CSMD1: variants seen among roughly 807,000 people sequenced by gnomAD.
The protein encoded by CSMD1 is CUB and Sushi multiple domains 1.
CSMD1 carries 213 observed loss-of-function variants against 417.5 expected under a neutral mutation model. The ratio of observed to expected loss-of-function variants is 0.51; its 90% confidence interval spans 0.46 to 0.57. The LOEUF (loss-of-function observed/expected upper bound fraction) is 0.57, where lower values mean the gene tolerates loss of function less well. Among genes scored for constraint, CSMD1 ranks in the 20% least tolerant of loss-of-function variants. The pLI is 0.00. For missense variants in CSMD1, 6,923 were observed against 4,529.7 expected, an observed-to-expected ratio of 1.53 and a Z score of -15.17; for synonymous variants, 2,862 against 1,736.8, an observed-to-expected ratio of 1.65 and a Z score of -16.11.
chr8:3,624,164 A>T (rs1796387328), intron 7 of CSMD1, among the ~76,000 whole-genome samples: 1 of 152,198 alleles, frequency 6.6e-6, no homozygotes, highest in Non-Finnish European at 1.5e-5. Context: ...TGAGCATCCA[A>T]AAGAAAAATG....
intron 5 of CSMD1, among the ~76,000 whole-genome samples, chr8:3,758,091 G>C (rs1229049274): frequency 1.3e-5 from 2 of 152,024 alleles, no homozygotes; most frequent in Non-Finnish European, 2.9e-5. Flanking sequence ...AGCCTCCTGA[G>C]TAGCTGGGAT....
intron 3 of CSMD1, among the ~76,000 whole-genome samples, chr8:4,312,050 T>C (rs1798613584): frequency 6.6e-6 from 1 of 152,186 alleles, no homozygotes; most frequent in Admixed American, 6.6e-5. Flanking sequence ...CATTGTCATT[T>C]CTAGCTAGTA....
intron 7 of CSMD1, among the ~76,000 whole-genome samples, chr8:3,676,650 T>A (rs924389897): frequency 1.3e-5 from 2 of 152,156 alleles, no homozygotes; most frequent in African/African-American, 4.8e-5. Context: ...CGCACACACA[T>A]GTGGGTAGAG....
chr8:3,205,921 GA>G (rs1797225254), intron 30 of CSMD1, among the ~76,000 whole-genome samples: 5 of 152,082 alleles, frequency 3.3e-5, no homozygotes, highest in Admixed American at 2.6e-4. Flanking sequence ...AAAGACAAAT[GA>G]TTAAATTATT....
chr8:3,914,370 T>G (rs1401653856), intron 5 of CSMD1, among the ~76,000 whole-genome samples: 1 of 151,758 alleles, frequency 6.6e-6, no homozygotes, highest in Non-Finnish European at 1.5e-5. Flanking sequence ...GTTGGATAGA[T>G]GTAAAAACAT....
intron 10 of CSMD1, among the ~76,000 whole-genome samples, chr8:3,556,293 C>A (rs1010159319): frequency 2.0e-5 from 3 of 150,480 alleles, no homozygotes; most frequent in Admixed American, 6.6e-5. Flanking sequence ...CCCCCACTAC[C>A]CTTCCCAGCC....
chr8:4,475,763 C>G (rs945261635), intron 2 of CSMD1, among the ~76,000 whole-genome samples: 1 of 152,036 alleles, frequency 6.6e-6, no homozygotes, highest in African/African-American at 2.4e-5. Context: ...CAGGCGTGCA[C>G]CACCACACAC....
chr8:4,152,404 C>G (rs1417142849), intron 3 of CSMD1, among the ~76,000 whole-genome samples: 3 of 152,028 alleles, frequency 2.0e-5, no homozygotes, highest in Non-Finnish European at 4.4e-5. Context: ...TTAGGCCAGG[C>G]ACAGTGGCTC....
chr8:3,741,372 G>A (rs1361069693), intron 6 of CSMD1, among the ~76,000 whole-genome samples: 1 of 152,112 alleles, frequency 6.6e-6, no homozygotes, highest in Non-Finnish European at 1.5e-5. Flanking sequence ...GACCGAAGGG[G>A]AATGTATCAC....
chr8:4,681,603 G>A (rs1242117604), intron 1 of CSMD1, among the ~76,000 whole-genome samples: 3 of 152,160 alleles, frequency 2.0e-5, no homozygotes, highest in Non-Finnish European at 4.4e-5. Context: ...ACTCGAGCCT[G>A]GTAAATATTA....
chr8:4,266,905 CTGAT>C (rs2128847175), intron 3 of CSMD1, among the ~76,000 whole-genome samples: 1 of 103,966 alleles, frequency 9.6e-6, no homozygotes, highest in African/African-American at 2.6e-5. Flanking sequence ...AAGAAACAAA[CTGAT>C]TAATAAAAAC....
chr8:3,481,876 C>T (rs951898373), intron 11 of CSMD1, among the ~76,000 whole-genome samples: 1 of 152,164 alleles, frequency 6.6e-6, no homozygotes, highest in Non-Finnish European at 1.5e-5. Context: ...ACTTGGACTT[C>T]TGGTTTCCAG....
chr8:4,474,033 C>T (rs960736526), intron 2 of CSMD1, among the ~76,000 whole-genome samples: 5 of 151,994 alleles, frequency 3.3e-5, no homozygotes, highest in Non-Finnish European at 5.9e-5. Flanking sequence ...ATAAGAGATA[C>T]TATCAAAGAA....
chr8:3,885,842 G>A (rs1046590569), intron 5 of CSMD1, among the ~76,000 whole-genome samples: 1 of 152,074 alleles, frequency 6.6e-6, no homozygotes, highest in Admixed American at 6.6e-5. Flanking sequence ...CCTGGCAAAC[G>A]TCTCTGTGAA....
intron 21 of CSMD1, among the ~76,000 whole-genome samples, chr8:3,358,065 A>C (rs1808912385): frequency 6.6e-6 from 1 of 152,190 alleles, no homozygotes; most frequent in Non-Finnish European, 1.5e-5. Context: ...AATCAAAGAG[A>C]TTCTGCACCA....
At chr8:4,508,115 A>G (rs1802628104) in intron 2 of CSMD1, among the ~76,000 whole-genome samples, 1 of 149,270 alleles carries the variant, frequency 6.7e-6, no homozygotes, top group African/African-American at 2.4e-5. Context: ...CCCAAAAAAC[A>G]AAAACAGTGA....
At chr8:4,238,999 A>G (rs1158652154) in intron 3 of CSMD1, among the ~76,000 whole-genome samples, 1 of 152,196 alleles carries the variant, frequency 6.6e-6, no homozygotes, top group Non-Finnish European at 1.5e-5. Flanking sequence ...TCCCATCACT[A>G]TGGCTACAGG....
chr8:3,000,542 G>A (rs1807310525), intron 52 of CSMD1, among the ~76,000 whole-genome samples: 1 of 152,026 alleles, frequency 6.6e-6, no homozygotes, highest in African/African-American at 2.4e-5. Context: ...CGGTGAGGGG[G>A]GCTTCCAGTC....
intron 25 of CSMD1, among the ~76,000 whole-genome samples, chr8:3,294,095 G>T (rs533675658): frequency 6.6e-6 from 1 of 152,140 alleles, no homozygotes; most frequent in South Asian, 2.1e-4. Flanking sequence ...GGTGCACTCC[G>T]GACCCTGTTT....
Sources: allele counts gnomAD v4.1 joint callset (sites outside exome capture counted in the v4.1 genomes callset), GRCh38; gene constraint gnomAD v4.1.1; transcripts MANE v1.5; gene names NCBI Gene and HGNC (gene_info 2026-07-23, HGNC 2026-07-21).